Variants in PARP11 observed in about 807,000 individuals in gnomAD.
PARP11 encodes the protein protein mono-ADP-ribosyltransferase PARP11.
In PARP11, 31 loss-of-function variants were observed where a neutral mutation model predicts 42.9. The ratio of observed to expected loss-of-function variants is 0.72; its 90% CI spans 0.54 to 0.98. PARP11 has a LOEUF of 0.98. Ranked by LOEUF, PARP11 falls within the 50% of genes least tolerant of loss-of-function variation. PARP11 has a pLI of 0.00. For missense variants in PARP11, 365 were observed against 413.1 expected (o/e 0.88, Z 1.01); for synonymous variants, 137 against 127.3 (o/e 1.08, Z -0.51).
At chr12:3,851,221 C>G (rs1429540813) in intron 1 of PARP11, among the ~76,000 whole-genome samples, 1 of 152,222 alleles carries the variant, frequency 6.6e-6, no homozygotes, top group Non-Finnish European at 1.5e-5. Flanking sequence ...TTCTGCATTT[C>G]CAACTGAGGT....
intron 4 of PARP11, among the ~76,000 whole-genome samples, chr12:3,825,775 G>A (rs1375519818): frequency 6.6e-6 from 1 of 152,100 alleles, no homozygotes; most frequent in Non-Finnish European, 1.5e-5. Flanking sequence ...CCAGGTTGGA[G>A]TGGCGCAGTG....
intron 1 of PARP11, among the ~76,000 whole-genome samples, chr12:3,857,984 G>A (rs780730133): frequency 6.7e-4 from 102 of 152,118 alleles, no homozygotes; most frequent in Non-Finnish European, 1.3e-3. Flanking sequence ...GTTTAGCATG[G>A]AGGATGCCAC....
At position 3,811,763 on chromosome 12, in the gene PARP11, G is replaced by T; in HGVS notation, c.*360C>A. On this transcript the variant is annotated 3_prime_UTR_variant, in exon 8 of 8. Transcript: ENST00000228820. ...CTGTATTTTTTTTCAACATTTATAC[G>T]AATAAGTCTATTTAAACTAAAATCA... 2 of 178,728 alleles carry T rather than the reference G, an allele frequency of 1.1e-5. No homozygotes were observed. Among genetic ancestry groups the T allele is most frequent in the Non-Finnish European group, 2.3e-5 (2 of 86,592 alleles). 11.1% of individuals were successfully genotyped at this position (178,728 alleles called of 1,614,324 possible). A position where few individuals can be genotyped will look rare whatever the true frequency, so the allele number is the denominator to read the frequency against.
At position 3,840,912 on chromosome 12, in the gene PARP11, G is replaced by T. The variant is rs999143676; in HGVS notation, c.19-10894C>A. 4 of 1,602,812 alleles carry T rather than the reference G, an allele frequency of 2.5e-6. No individual in the cohort carries two copies. Among genetic ancestry groups the T allele is most frequent in the Non-Finnish European group, 3.4e-6 (4 of 1,169,704 alleles). On this transcript the variant is annotated intron_variant, in intron 1 of 7. Coordinates refer to ENST00000228820, the MANE Select transcript of PARP11 (RefSeq NM_020367.6). This position sits in a 1 kb window ranked among gnomAD's most constrained non-coding sequence, Gnocchi z 4.4. Reference sequence around the variant, plus strand: ...CAGCTCCCCTTCTAGTTTCTCCAGAGGTACATCTAACTCCTGCAGTGCCTT... The same window carrying T: ...CAGCTCCCCTTCTAGTTTCTCCAGATGTACATCTAACTCCTGCAGTGCCTT...
chr12:3,847,805 T>C (rs1239804905), intron 1 of PARP11, among the ~76,000 whole-genome samples: 2 of 152,210 alleles, frequency 1.3e-5, no homozygotes, highest in African/African-American at 4.8e-5. Flanking sequence ...CAACATGATA[T>C]TGGAAGTCCT....
In PARP11 at chr12:3,812,370, G is replaced by A; in HGVS notation, c.770C>T (p.Thr257Ile). The A allele has an allele frequency of 1.2e-6, 2 of 1,614,128 alleles. No homozygotes were observed. Among genetic ancestry groups the A allele is most frequent in the Non-Finnish European group, 1.7e-6 (2 of 1,179,966 alleles). The change falls in exon 8 of 8, where the codon ACA becomes ATA. Residue 257 changes from threonine (T) to isoleucine (I), a missense_variant. Coordinates refer to ENST00000228820, the MANE Select transcript of PARP11 (RefSeq NM_020367.6). Reference sequence around the variant, plus strand: ...CAAGCTGACACCATGAATTTGGAATGTGTTCCCATGCTTTATGTCATCTTT... The same window carrying A: ...CAAGCTGACACCATGAATTTGGAATATGTTCCCATGCTTTATGTCATCTTT... ...FCKDDIKHGN[T>I]FQIHGVSLQQ...
chr12:3,864,000 G>A (rs1948345983), intron 1 of PARP11: 1 of 151,274 alleles, frequency 6.6e-6, no homozygotes, highest in Admixed American at 6.6e-5. Flanking sequence ...CCCTGGAGGT[G>A]AGCAAAGGAC....
intron 4 of PARP11, among the ~76,000 whole-genome samples, chr12:3,824,029 T>C (rs1220410831): frequency 1.3e-5 from 2 of 152,192 alleles, no homozygotes; most frequent in Non-Finnish European, 2.9e-5. Flanking sequence ...TCAAAGAATA[T>C]ATTTTTTCAT....
chr12:3,838,042 GA>G (rs764705301), intron 1 of PARP11, among the ~76,000 whole-genome samples: 5 of 149,282 alleles, frequency 3.3e-5, no homozygotes, highest in Non-Finnish European at 5.9e-5. Context: ...CTTCCAGCCA[GA>G]AAATCAACAA....
At position 3,832,699 on chromosome 12, in the gene PARP11, G is replaced by C. The variant is rs1484820112; in HGVS notation, c.19-2681C>G. Among the ~76,000 whole-genome samples the C allele has an allele frequency of 2.6e-5, 4 of 152,168 alleles. No homozygotes were observed. The South Asian group carries it at 8.3e-4, about 31-fold the overall frequency. On this transcript the variant is annotated intron_variant, in intron 1 of 7. Coordinates refer to ENST00000228820, the MANE Select transcript of PARP11 (RefSeq NM_020367.6). ...CTTTAAAATATCGCAACCATAGTAA[G>C]AATGGCTCTAGGCTAGGACACATTT... is the stretch of plus-strand genomic sequence containing the variant.
At chr12:3,839,297 G>A (rs1249347565) in intron 1 of PARP11, among the ~76,000 whole-genome samples, 3 of 151,692 alleles carry the variant, frequency 2.0e-5, no homozygotes, top group Non-Finnish European at 4.4e-5. Flanking sequence ...AGCAGGACCA[G>A]CAACATGGAG....
intron 1 of PARP11, among the ~76,000 whole-genome samples, chr12:3,839,108 G>T (rs975651618): frequency 2.0e-5 from 3 of 151,582 alleles, no homozygotes; most frequent in African/African-American, 7.3e-5. Flanking sequence ...CATGCATTAG[G>T]CAGGGCTCCC....
intron 1 of PARP11, among the ~76,000 whole-genome samples, chr12:3,860,644 C>A (rs1445097487): frequency 6.6e-6 from 1 of 152,126 alleles, no homozygotes; most frequent in Non-Finnish European, 1.5e-5. Flanking sequence ...ATGACTAGCA[C>A]ACCACTATAT....
intron 1 of PARP11, among the ~76,000 whole-genome samples, chr12:3,845,038 A>T (rs532836177): frequency 6.8e-6 from 1 of 146,956 alleles, no homozygotes; most frequent in Non-Finnish European, 1.5e-5. Context: ...GTTGGAAATT[A>T]TGAAACTTCA....
At position 3,810,803 on chromosome 12, in the gene PARP11, A is replaced by ACC. The variant is rs1947162264; in HGVS notation, c.*1319_*1320insGG. The ACC allele has an allele frequency of 6.6e-6, 1 of 152,076 alleles. No homozygotes were observed. The highest frequency in any genetic ancestry group is 1.5e-5 in the Non-Finnish European group (1 of 68,186). The allele number at this position is 152,076 out of a possible 1,614,324, so 9.4% of individuals were successfully genotyped here. On this transcript the variant is annotated 3_prime_UTR_variant, in exon 8 of 8. Transcript: ENST00000228820. Reference sequence around the variant, plus strand: ...GAAGAGAAGAGGAAGAGGAAGACAGAAGAGAAGAGAAAGAAGAGAAGAGAA... The same window carrying ACC: ...GAAGAGAAGAGGAAGAGGAAGACAGACCAGAGAAGAGAAAGAAGAGAAGAGAA...
intron 1 of PARP11, among the ~76,000 whole-genome samples, chr12:3,868,817 T>A (rs1948431076): frequency 6.6e-6 from 1 of 152,146 alleles, no homozygotes; most frequent in African/African-American, 2.4e-5. Flanking sequence ...CAGCCCCTTA[T>A]CCCCCTCAGT....
chr12:3,840,705 A>T lies in PARP11; in HGVS notation c.19-10687T>A. Reference sequence around the variant, plus strand: ...GGAAGCAGGCGGAGAATGGATACAGAAGAACGAAAAGACAAAGACTCTATT... The same window carrying T: ...GGAAGCAGGCGGAGAATGGATACAGTAGAACGAAAAGACAAAGACTCTATT... On this transcript the variant is annotated intron_variant, in intron 1 of 7. Coordinates refer to ENST00000228820, the MANE Select transcript of PARP11 (RefSeq NM_020367.6). This position sits in a 1 kb window ranked among gnomAD's most constrained non-coding sequence, Gnocchi z 4.4. 1 of 1,263,244 alleles carries T rather than the reference A, an allele frequency of 7.9e-7. No homozygotes were observed. 78.3% of individuals were successfully genotyped at this position (1,263,244 alleles called of 1,614,324 possible). A position where few individuals can be genotyped will look rare whatever the true frequency, so the allele number is the denominator to read the frequency against.
At chr12:3,816,708 G>T (rs764001725) in intron 6 of PARP11, among the ~76,000 whole-genome samples, 6 of 152,166 alleles carry the variant, frequency 3.9e-5, no homozygotes, top group Non-Finnish European at 5.9e-5. Context: ...GCAATGACTA[G>T]AATCCACTCT....
intron 1 of PARP11, 100 bp downstream of exon 1, chr12:3,873,112 G>C: frequency 1.7e-6 from 2 of 1,159,872 alleles, no homozygotes; most frequent in African/African-American, 1.5e-5. Flanking sequence ...TCAACACCCA[G>C]ACTGAAGCGA....
Sources: gnomAD v4.1 joint callset for allele counts (sites outside exome capture counted in the v4.1 genomes callset) on GRCh38, gnomAD v4.1.1 for gene constraint, Gnocchi (gnomAD v3.1) non-coding constraint, MANE v1.5 for transcripts, NCBI Gene and HGNC (gene_info 2026-07-23, HGNC 2026-07-21) for gene names.